The following LRRC7 variants were observed in gnomAD, a reference collection of about 807,000 sequenced individuals.
LRRC7 encodes the protein leucine-rich repeat-containing protein 7.
LRRC7 carries 23 observed loss-of-function variants against 175.7 expected under a neutral mutation model. That is an observed-to-expected ratio of 0.13 (90% confidence interval 0.09 to 0.19). LRRC7 has a LOEUF of 0.19. Ranked by LOEUF, LRRC7 falls within the 10% of genes least tolerant of loss-of-function variation. LRRC7 has a pLI of 1.00. For synonymous variants in LRRC7, 685 were observed against 680.9 expected (o/e 1.01, Z -0.09); for missense variants, 1,354 against 1,904.7 (o/e 0.71, Z 5.38).
chr1:69,923,661 C>T (rs1646963850), intron 7 of LRRC7, among the ~76,000 whole-genome samples: 1 of 151,980 alleles, frequency 6.6e-6, no homozygotes, highest in Non-Finnish European at 1.5e-5. Context: ...TTGTTTTTTT[C>T]TTGTAAATTT....
intron 2 of LRRC7, among the ~76,000 whole-genome samples, chr1:69,724,438 T>G (rs1570519364): frequency 6.6e-6 from 1 of 152,176 alleles, no homozygotes; most frequent in African/African-American, 2.4e-5. Flanking sequence ...TGGATTAGAA[T>G]AGCAAGCAAC....
chr1:69,707,477 C>G (rs192367486), intron 2 of LRRC7, among the ~76,000 whole-genome samples: 123 of 152,168 alleles, frequency 8.1e-4, no homozygotes, highest in African/African-American at 2.7e-3. Context: ...CCTTTCCTTC[C>G]CTGTTTTATT....
At position 69,568,089 on chromosome 1, in the gene LRRC7, G is replaced by A. The variant is rs1646400242; in HGVS notation, c.-551G>A. ...CGCCACCGCCTCCTGCAGTTGCGGA[G>A]CGCTCAGCCCCTCCGAGACGCCCGC... On this transcript the variant is annotated 5_prime_UTR_variant, in exon 1 of 27. Transcript: ENST00000651989. Among the ~76,000 whole-genome samples, 1 of 152,150 alleles carries A rather than the reference G, an allele frequency of 6.6e-6. No homozygotes were observed.
At chr1:69,845,704 C>T (rs1321872211) in intron 7 of LRRC7, among the ~76,000 whole-genome samples, 1 of 151,978 alleles carries the variant, frequency 6.6e-6, no homozygotes, top group African/African-American at 2.4e-5. Context: ...ACCCTACTAG[C>T]TATTTTAATG....
At chr1:69,730,783 C>G (rs11209526) in intron 2 of LRRC7, among the ~76,000 whole-genome samples, 1,674 of 152,244 alleles carry the variant, frequency 0.011, 39 homozygotes, top group African/African-American at 0.039. Flanking sequence ...CAGCTCCCCA[C>G]TACCTGGTGC....
chr1:69,799,290 T>C (rs185905366), intron 4 of LRRC7, among the ~76,000 whole-genome samples: 69 of 152,192 alleles, frequency 4.5e-4, no homozygotes, highest in African/African-American at 1.6e-3. Context: ...TCTGGGCTTT[T>C]AGTATAACCA....
At chr1:69,665,013 T>G (rs562696731) in intron 1 of LRRC7, among the ~76,000 whole-genome samples, 2 of 152,304 alleles carry the variant, frequency 1.3e-5, no homozygotes, top group South Asian at 2.1e-4. Flanking sequence ...ATTTCATTTT[T>G]TTTGCCAGTG....
At chr1:69,865,582 G>A (rs1345227668) in intron 7 of LRRC7, among the ~76,000 whole-genome samples, 1 of 144,010 alleles carries the variant, frequency 6.9e-6, no homozygotes, top group East Asian at 2.1e-4. Flanking sequence ...CCGGGTTCAC[G>A]CCATTCTCCT....
chr1:69,818,342 T>A (rs539168459), intron 4 of LRRC7, among the ~76,000 whole-genome samples: 1 of 152,236 alleles, frequency 6.6e-6, no homozygotes, highest in East Asian at 1.9e-4. Context: ...TTTTGTTCAA[T>A]GCTTTTTTCT....
chr1:69,669,460 T>C (rs569790656), intron 1 of LRRC7, among the ~76,000 whole-genome samples: 2 of 152,312 alleles, frequency 1.3e-5, no homozygotes, highest in Admixed American at 1.3e-4. Context: ...CTCCATTGTG[T>C]GTTACTTGTT....
At position 70,039,630 on chromosome 1, in the gene LRRC7, T is replaced by A. The variant is rs1571137737; in HGVS notation, c.3806T>A (p.Ile1269Lys). ...RPTMAALLEK[I>K]PSDYNLGNYG... ...ACTATGGCAGCTCTTTTGGAAAAAATACCATCTGACTATAACTTGGGTAAC... is the reference window on the plus strand; with the variant it reads ...ACTATGGCAGCTCTTTTGGAAAAAAAACCATCTGACTATAACTTGGGTAAC... Residue 1269 changes from isoleucine (I) to lysine (K), a missense_variant, in exon 21 of 27, where the codon ATA (isoleucine) becomes AAA (lysine). Physicochemically the swap from Ile to Lys is moderately radical, Grantham distance 102 (BLOSUM62 -3). Coordinates refer to ENST00000651989, the MANE Select transcript of LRRC7 (RefSeq NM_001370785.2). The A allele has an allele frequency of 6.2e-7, 1 of 1,613,972 alleles. No homozygotes were observed.
chr1:70,069,503 T>C (rs2478801), intron 23 of LRRC7, among the ~76,000 whole-genome samples: 5 of 152,104 alleles, frequency 3.3e-5, no homozygotes, highest in Admixed American at 3.3e-4. Context: ...CAGCCAAACT[T>C]TATCAGAGTC....
Position 70,001,622 on chromosome 1 carries a change from C to G in LRRC7, c.1004+6989C>G, listed in dbSNP as rs141986150. ...ACCGAAAATATTCTTATTCTGCACA[C>G]GGAATATTTCAGTATTTCAGACTTA... On this transcript the variant is annotated intron_variant, in intron 11 of 26. Coordinates refer to ENST00000651989, the MANE Select transcript of LRRC7 (RefSeq NM_001370785.2). 6.8e-3 allele frequency among the ~76,000 whole-genome samples: 1,039 copies of G among 152,256 alleles called. 5 individuals carry two copies. The highest frequency in any genetic ancestry group is 0.014 in the Middle Eastern group (4 of 294).
At chr1:69,778,204 C>T (rs1308386286) in intron 3 of LRRC7, among the ~76,000 whole-genome samples, 2 of 152,140 alleles carry the variant, frequency 1.3e-5, no homozygotes, top group Non-Finnish European at 2.9e-5. Context: ...TCCTCTGTGC[C>T]TCCATATTAC....
At position 69,758,350 on chromosome 1, in the gene LRRC7, G is replaced by T. The variant is rs17131025; in HGVS notation, c.101-1841G>T. ...TTCAGCCTTCTACAGATTACCATGT[G>T]CAAACAATCGTCTATAAGTATTTAT... On this transcript the variant is annotated intron_variant, in intron 2 of 26. Coordinates refer to ENST00000651989, the MANE Select transcript of LRRC7 (RefSeq NM_001370785.2). Among the ~76,000 whole-genome samples the T allele has an allele frequency of 1.7e-3, 266 of 152,102 alleles. 1 individual carries two copies. Among genetic ancestry groups the T allele is most frequent in the Non-Finnish European group, 3.2e-3 (220 of 67,952 alleles).
intron 26 of LRRC7, among the ~76,000 whole-genome samples, chr1:70,119,265 T>C (rs1220361121): frequency 6.6e-6 from 1 of 152,092 alleles, no homozygotes; most frequent in Non-Finnish European, 1.5e-5. Context: ...AAGATGTCCC[T>C]CTCTTCTTTG....
chr1:69,708,068 C>A (rs1041264081), intron 2 of LRRC7, among the ~76,000 whole-genome samples: 1 of 152,142 alleles, frequency 6.6e-6, no homozygotes. Context: ...CTTCACCAGT[C>A]CTTCTGCCTT....
At position 69,629,607 on chromosome 1, in the gene LRRC7, C is replaced by T. The variant is rs141230290; in HGVS notation, c.3-48774C>T. ...TGACTACACTTTCTCTCTCCAAATT[C>T]TCTTTATTTCATCTCTATTTTGACA... On this transcript the variant is annotated intron_variant, in intron 1 of 26. Coordinates refer to ENST00000651989, the MANE Select transcript of LRRC7 (RefSeq NM_001370785.2). Among the ~76,000 whole-genome samples, 1,432 of 152,194 alleles carry T rather than the reference C, an allele frequency of 9.4e-3. 22 individuals are homozygous for T. The highest frequency in any genetic ancestry group is 0.033 in the African/African-American group (1,367 of 41,544).
At chr1:69,828,067 T>A (rs1028327774) in intron 5 of LRRC7, among the ~76,000 whole-genome samples, 3 of 152,144 alleles carry the variant, frequency 2.0e-5, no homozygotes, top group African/African-American at 7.2e-5. Context: ...CTTAACATAA[T>A]GATTTTGAAA....
Sources: gnomAD v4.1 joint callset for allele counts (sites outside exome capture counted in the v4.1 genomes callset) on GRCh38, gnomAD v4.1.1 for gene constraint, MANE v1.5 for transcripts, NCBI Gene and HGNC (gene_info 2026-07-23, HGNC 2026-07-21) for gene names.